The following FARP2 variants were observed in gnomAD, a reference collection of about 807,000 sequenced individuals.
The protein encoded by FARP2 is FERM, ARH/RhoGEF and pleckstrin domain protein 2.
In FARP2, 111 loss-of-function variants were observed where a neutral mutation model predicts 130.5. The observed-to-expected ratio is 0.85, with a 90% CI of 0.73 to 1.00. The LOEUF (loss-of-function observed/expected upper bound fraction) is 1.00. Ranked by LOEUF, FARP2 falls within the 50% of genes least tolerant of loss-of-function variation. The probability of loss-of-function intolerance (pLI) is 0.00; values close to 1 mark genes in which losing one functional copy is unlikely to be tolerated. For missense variants in FARP2, 1,385 were observed against 1,346.3 expected (o/e 1.03, Z -0.45); for synonymous variants, 504 against 516.9 (o/e 0.98, Z 0.34).
At chr2:241,454,952 A>G (rs925834303) in intron 13 of FARP2, among the ~76,000 whole-genome samples, 11 of 152,168 alleles carry the variant, frequency 7.2e-5, no homozygotes, top group African/African-American at 2.2e-4. Flanking sequence ...TGATTTGTCA[A>G]TGTGAAAATA....
Position 241,491,311 on chromosome 2 carries a change from G to T in FARP2, c.2623+132G>T. On this transcript the variant is annotated intron_variant, in intron 23 of 26. Coordinates refer to ENST00000264042, the MANE Select transcript of FARP2 (RefSeq NM_014808.4). ...TCCCCTTCCACAAGGAATGTTCCAG[G>T]CTACGCCTCATGCCTGGGCGGGAAG... The T allele has an allele frequency of 4.6e-6, 4 of 865,784 alleles. No individual in the cohort carries two copies. In the East Asian group the frequency reaches 9.7e-5, roughly 21 times the overall value. 53.6% of individuals were successfully genotyped at this position (865,784 alleles called of 1,614,324 possible). A position where few individuals can be genotyped will look rare whatever the true frequency, so the allele number is the denominator to read the frequency against.
intron 19 of FARP2, among the ~76,000 whole-genome samples, chr2:241,481,569 G>C (rs572789860): frequency 3.9e-5 from 6 of 152,280 alleles, no homozygotes; most frequent in African/African-American, 1.4e-4. Flanking sequence ...CAGGTGCTAG[G>C]ACCACCACTC....
At chr2:241,384,071 G>A (rs1271634120) in intron 2 of FARP2, among the ~76,000 whole-genome samples, 7 of 149,238 alleles carry the variant, frequency 4.7e-5, no homozygotes, top group African/African-American at 1.7e-4. Context: ...AAGTGTCAGA[G>A]ATATTCTGAC....
intron 11 of FARP2, among the ~76,000 whole-genome samples, chr2:241,435,781 G>A (rs2063212078): frequency 6.6e-6 from 1 of 151,798 alleles, no homozygotes; most frequent in African/African-American, 2.4e-5. Flanking sequence ...AAAGTGCTGG[G>A]ATTACAGGTG....
Position 241,463,971 on chromosome 2 carries a change from C to T in FARP2, c.1884C>T (p.Arg628=), listed in dbSNP as rs761068451. Residue 628 remains arginine, a synonymous_variant, in exon 17 of 27, where the codon CGC becomes CGT. Coordinates refer to ENST00000264042, the MANE Select transcript of FARP2 (RefSeq NM_014808.4). Reference sequence around the variant, plus strand: ...GGGACATCCTGCTCAGGAACATGCGCCAGTTAAAGGTAGGCTGCATGGTGA... The same window carrying T: ...GGGACATCCTGCTCAGGAACATGCGTCAGTTAAAGGTAGGCTGCATGGTGA... ...RIGDILLRNM[R]QLKEFTSYFQ... is the part of the protein sequence containing the mutation. 16 of 1,613,650 alleles carry T rather than the reference C, an allele frequency of 9.9e-6. No homozygotes were observed. The Middle Eastern group carries it at 6.6e-4, about 66-fold the overall frequency.
chr2:241,365,551 A>AT (rs2061284980), intron 1 of FARP2, among the ~76,000 whole-genome samples: 1 of 152,242 alleles, frequency 6.6e-6, no homozygotes, highest in Admixed American at 6.5e-5. Flanking sequence ...TACCTTATAG[A>AT]TAACATGTCT....
chr2:241,450,605 G>T (rs1381114584), intron 13 of FARP2, among the ~76,000 whole-genome samples: 1 of 151,942 alleles, frequency 6.6e-6, no homozygotes, highest in Admixed American at 6.6e-5. Flanking sequence ...GGTAGAGGCT[G>T]CAGTGAGCTG....
chr2:241,461,850 T>G (rs1574873401), intron 14 of FARP2, among the ~76,000 whole-genome samples: 1 of 152,004 alleles, frequency 6.6e-6, no homozygotes, highest in African/African-American at 2.4e-5. Context: ...TCTTGGAGGG[T>G]TCAGGGTGGG....
chr2:241,466,096 C>T, intron 17 of FARP2: 2 of 1,092,550 alleles, frequency 1.8e-6, no homozygotes, highest in Non-Finnish European at 2.2e-6. Context: ...AACCCTTTAG[C>T]TCTGGGGAGG....
intron 1 of FARP2, among the ~76,000 whole-genome samples, chr2:241,362,920 C>T (rs1037226208): frequency 6.6e-6 from 1 of 152,188 alleles, no homozygotes; most frequent in Non-Finnish European, 1.5e-5. Context: ...TTTTAAAATG[C>T]ATGGATGTGG....
At chr2:241,428,798 C>T (rs2063022388) in intron 8 of FARP2, among the ~76,000 whole-genome samples, 2 of 152,172 alleles carry the variant, frequency 1.3e-5, no homozygotes, top group African/African-American at 4.8e-5. Flanking sequence ...AGCAGTTACT[C>T]CGCCAGCCCC....
intron 2 of FARP2, among the ~76,000 whole-genome samples, chr2:241,398,404 A>G (rs190289401): frequency 6.6e-6 from 1 of 152,198 alleles, no homozygotes; most frequent in African/African-American, 2.4e-5. Flanking sequence ...AATATGTACT[A>G]TGTGAAAATT....
At chr2:241,373,062 G>GTGTT in intron 1 of FARP2, 22 bp from the exon 2 acceptor site, 1 of 927,898 alleles carries the variant, frequency 1.1e-6, no homozygotes. Context: ...CCTTCATGTG[G>GTGTT]TTTTTTTTTT....
intron 8 of FARP2, among the ~76,000 whole-genome samples, chr2:241,420,006 T>C (rs571547176): frequency 3.3e-5 from 5 of 152,086 alleles, no homozygotes; most frequent in Non-Finnish European, 7.4e-5. Context: ...CAAAAATTCA[T>C]TGGGTGTAGT....
chr2:241,426,012 T>G (rs1440419715), intron 8 of FARP2, among the ~76,000 whole-genome samples: 1 of 152,052 alleles, frequency 6.6e-6, no homozygotes, highest in African/African-American at 2.4e-5. Flanking sequence ...GAGAAAACCT[T>G]TTTTCACACA....
chr2:241,378,259 G>A (rs963725805), intron 2 of FARP2, among the ~76,000 whole-genome samples: 2 of 147,304 alleles, frequency 1.4e-5, no homozygotes, highest in African/African-American at 2.5e-5. Context: ...CCACCACCAT[G>A]CCCGGCTAAT....
At chr2:241,376,243 C>T (rs1315481807) in intron 2 of FARP2, among the ~76,000 whole-genome samples, 1 of 152,208 alleles carries the variant, frequency 6.6e-6, no homozygotes, top group Non-Finnish European at 1.5e-5. Context: ...GAAGTGGGCA[C>T]TGCAGTGTCC....
intron 14 of FARP2, among the ~76,000 whole-genome samples, chr2:241,461,582 T>C (rs1478533461): frequency 6.6e-6 from 1 of 152,226 alleles, no homozygotes; most frequent in Non-Finnish European, 1.5e-5. Flanking sequence ...CTGCTCTGCG[T>C]TATGTCTTGT....
chr2:241,416,974 A>G (rs1182211312), intron 7 of FARP2, among the ~76,000 whole-genome samples: 4 of 151,910 alleles, frequency 2.6e-5, no homozygotes, highest in African/African-American at 9.7e-5. Context: ...ATAAGACACA[A>G]GTGTTTCAGA....
Sources: allele counts gnomAD v4.1 joint callset (sites outside exome capture counted in the v4.1 genomes callset), GRCh38; gene constraint gnomAD v4.1.1; transcripts MANE v1.5; gene names NCBI Gene and HGNC (gene_info 2026-07-23, HGNC 2026-07-21).